UBA2: variants seen among roughly 807,000 people sequenced by gnomAD.
UBA2 encodes SUMO-activating enzyme subunit 2.
UBA2 carries 11 observed loss-of-function variants against 77.2 expected under a neutral mutation model. The observed-to-expected ratio is 0.14, with a 90% CI of 0.09 to 0.24. The LOEUF (loss-of-function observed/expected upper bound fraction) is 0.24, where lower values mean the gene tolerates loss of function less well. Ranked by LOEUF, UBA2 falls within the 10% of genes least tolerant of loss-of-function variation. The pLI is 1.00. For missense variants in UBA2, 487 were observed against 781.7 expected (o/e 0.62, Z 4.50); for synonymous variants, 278 against 276.7 (o/e 1.00, Z -0.05).
At chr19:34,428,603 GC>G in intron 1 of UBA2, 33 bp downstream of exon 1, 3 of 1,302,886 alleles carry the variant, frequency 2.3e-6, no homozygotes, top group Non-Finnish European at 2.9e-6. Context: ...TGAATGGCGG[GC>G]TGTGGTGCGG....
At chr19:34,429,017 C>T in intron 1 of UBA2, 2 of 985,224 alleles carry the variant, frequency 2.0e-6, no homozygotes, top group Non-Finnish European at 2.4e-6. Flanking sequence ...CCAACGCGTC[C>T]CGAGCGCTGG....
chr19:34,457,717 CTCAACACTACATTGTAG>C (rs1262573786), intron 12 of UBA2, among the ~76,000 whole-genome samples: 5 of 152,172 alleles, frequency 3.3e-5, no homozygotes, highest in Non-Finnish European at 7.3e-5. Context: ...TCTTAGCAGA[CTCAACACTACATTGTAG>C]TCACAAGATA....
At chr19:34,430,721 T>G in intron 2 of UBA2, 62 bp downstream of exon 2, 6 of 1,324,888 alleles carry the variant, frequency 4.5e-6, no homozygotes, top group Non-Finnish European at 6.5e-6. Flanking sequence ...GATACCAGAT[T>G]AATCCTGCCT....
chr19:34,433,254 A>G, intron 3 of UBA2, 94 bp from the exon 4 acceptor site: 1 of 858,020 alleles, frequency 1.2e-6, no homozygotes, highest in Admixed American at 2.1e-5. Context: ...TTTTGTTTAC[A>G]GTTACTATGT....
intron 16 of UBA2, among the ~76,000 whole-genome samples, chr19:34,467,291 G>A (rs948474734): frequency 6.6e-6 from 1 of 151,086 alleles, no homozygotes; most frequent in Non-Finnish European, 1.5e-5. Flanking sequence ...AACACAATGA[G>A]AGACCCCCAT....
chr19:34,441,404 G>A (rs2075367607), intron 6 of UBA2, among the ~76,000 whole-genome samples: 1 of 152,018 alleles, frequency 6.6e-6, no homozygotes, highest in Admixed American at 6.6e-5. Flanking sequence ...GCAGTGAGCT[G>A]AGATTGCACC....
chr19:34,450,044 A>G (rs2075475348), intron 8 of UBA2, among the ~76,000 whole-genome samples: 1 of 152,208 alleles, frequency 6.6e-6, no homozygotes, highest in East Asian at 1.9e-4. Flanking sequence ...TTTACTCTGC[A>G]TTCCTCAGAG....
chr19:34,430,335 A>G, intron 1 of UBA2: 1 of 376,956 alleles, frequency 2.7e-6, no homozygotes, highest in African/African-American at 2.1e-5. Flanking sequence ...GATTAAACAA[A>G]CAAAATATAC....
intron 14 of UBA2, 39 bp from the exon 15 acceptor site, chr19:34,463,987 A>C: frequency 7.2e-7 from 1 of 1,386,318 alleles, no homozygotes; most frequent in South Asian, 1.2e-5. Context: ...TGCTCTATGA[A>C]GATGTAACTG....
At position 34,466,844 on chromosome 19, in the gene UBA2, A is replaced by G. The variant is rs746021824; in HGVS notation, c.1605-34A>G. The G allele has an allele frequency of 4.4e-6, 7 of 1,598,504 alleles. No homozygotes were observed. In the East Asian group the frequency reaches 1.1e-4, roughly 26 times the overall value. On this transcript the variant is annotated intron_variant, in intron 15 of 16. Transcript: ENST00000246548. Reference sequence around the variant, plus strand: ...TCTGGTGCTCCTTTGCTTTCTAAATAGTCATAGCAGTGACCTGTGTGATTC... The same window carrying G: ...TCTGGTGCTCCTTTGCTTTCTAAATGGTCATAGCAGTGACCTGTGTGATTC...
At chr19:34,457,179 A>AAAAAAAT (rs1262007864) in intron 12 of UBA2, among the ~76,000 whole-genome samples, 11 of 53,226 alleles carry the variant, frequency 2.1e-4, no homozygotes, top group South Asian at 1.1e-3. Context: ...AAAAAAAAAA[A>AAAAAAAT]ATATATATAT....
chr19:34,451,939 GTTAA>G (rs2075503954), intron 9 of UBA2, 38 bp from the exon 10 acceptor site: 4 of 1,201,312 alleles, frequency 3.3e-6, no homozygotes, highest in East Asian at 2.6e-5. Flanking sequence ...GAGGAATGAT[GTTAA>G]TTAGTGAAAT....
intron 15 of UBA2, among the ~76,000 whole-genome samples, chr19:34,465,568 C>T (rs183043073): frequency 2.8e-3 from 414 of 147,742 alleles, no homozygotes; most frequent in Admixed American, 9.1e-3. Context: ...ACCGGGGAGC[C>T]GAGTTTGCAG....
chr19:34,455,882 C>T (rs2075552795), intron 12 of UBA2, among the ~76,000 whole-genome samples: 2 of 151,848 alleles, frequency 1.3e-5, no homozygotes, highest in South Asian at 4.1e-4. Flanking sequence ...CCTCATGATC[C>T]GCCCACCTCG....
rs372786949 is a variant in UBA2 at position 34,454,427 on chromosome 19, T to G, written c.1133-17T>G. 2.1e-5 allele frequency: 9 copies of G among 436,846 alleles called. No homozygotes were observed. Among genetic ancestry groups the G allele is most frequent in the Non-Finnish European group, 2.7e-5 (8 of 298,796 alleles). 27.1% of individuals were successfully genotyped at this position (436,846 alleles called of 1,614,324 possible). ...TTTAAACAGTGAAACATACTCATCC[T>G]TTTTTTTTTTTCCCAGCAATGGCAG... On this transcript the variant is annotated splice_polypyrimidine_tract_variant and intron_variant, in intron 11 of 16. Coordinates refer to ENST00000246548, the MANE Select transcript of UBA2 (RefSeq NM_005499.3).
intron 7 of UBA2, among the ~76,000 whole-genome samples, chr19:34,444,339 G>A (rs1412160556): frequency 6.6e-6 from 1 of 152,028 alleles, no homozygotes; most frequent in African/African-American, 2.4e-5. Flanking sequence ...ACAGGCGTAA[G>A]CAACCGTGCC....
At chr19:34,457,177 A>AT (rs1404101062) in intron 12 of UBA2, among the ~76,000 whole-genome samples, 253 of 68,380 alleles carry the variant, frequency 3.7e-3, no homozygotes, top group South Asian at 5.3e-3. Flanking sequence ...AAAAAAAAAA[A>AT]AAATATATAT....
chr19:34,452,929 AT>A (rs1303129598), intron 10 of UBA2, among the ~76,000 whole-genome samples: 1 of 152,184 alleles, frequency 6.6e-6, no homozygotes, highest in Non-Finnish European at 1.5e-5. Flanking sequence ...GGGTTTTGTG[AT>A]ATTTAAAGGG....
In UBA2 at chr19:34,428,561, C is replaced by G. The variant is rs772202584; in HGVS notation, c.129C>G (p.His43Gln). Reference sequence around the variant, plus strand: ...ATCTCGTGCTCACCGGTTTCTCCCACATCGACCTGGTGAGGGCCGGGCGCG... The same window carrying G: ...ATCTCGTGCTCACCGGTTTCTCCCAGATCGACCTGGTGAGGGCCGGGCGCG... The part of the protein sequence containing the change: ...LKNLVLTGFS[H>Q]IDLIDLDTID... Residue 43 changes from histidine to glutamine, a missense_variant, in exon 1 of 17, where the codon CAC becomes CAG. His to Gln is a conservative substitution (Grantham distance 24). Around this residue, in one of 9 missense-constraint regions of UBA2, gnomAD observed 19 missense variants for 17.7 expected, o/e 1.07. Transcript: ENST00000246548. 1.4e-5 allele frequency: 18 copies of G among 1,307,916 alleles called. No individual in the cohort carries two copies. The highest frequency in any genetic ancestry group is 1.8e-5 in the Non-Finnish European group (18 of 1,019,828). 81.0% of individuals were successfully genotyped at this position (1,307,916 alleles called of 1,614,324 possible).
Sources: gnomAD v4.1 joint callset for allele counts (sites outside exome capture counted in the v4.1 genomes callset) on GRCh38, gnomAD v4.1.1 for gene constraint, gnomAD v4.1.1 regional missense constraint, MANE v1.5 for transcripts, NCBI Gene and HGNC (gene_info 2026-07-23, HGNC 2026-07-21) for gene names.